The following ZWILCH variants were observed in gnomAD, a reference collection of about 807,000 sequenced individuals.
ZWILCH encodes the protein zwilch kinetochore protein, also known as protein zwilch homolog.
ZWILCH carries 74 observed loss-of-function variants against 79.9 expected under a neutral mutation model. The ratio of observed to expected loss-of-function variants is 0.93; its 90% CI spans 0.77 to 1.12. ZWILCH has a LOEUF of 1.12. Ranked by LOEUF, ZWILCH falls within the 50% of genes most tolerant of loss-of-function variation. The probability of loss-of-function intolerance (pLI) is 0.00; values close to 1 mark genes in which losing one functional copy is unlikely to be tolerated. For missense variants in ZWILCH, 694 were observed against 687.5 expected (o/e 1.01, Z -0.11); for synonymous variants, 241 against 228.2 (o/e 1.06, Z -0.51).
In ZWILCH at chr15:66,532,281, T is replaced by C; in HGVS notation, c.1190T>C (p.Leu397Pro). ...GGAAGTAACAGTTTACTAAGTAAGC[T>C]CATTCATCAGTCTTATCATGGAACC... Reference protein sequence around the residue: ...HSGSNSLLSKLIHQSYHGTMD... With the variant: ...HSGSNSLLSKPIHQSYHGTMD... The change falls in exon 13 of 19, where the codon CTC becomes CCC. Residue 397 changes from leucine (L) to proline (P), a missense_variant. Transcript: ENST00000307897. 1 of 1,604,412 alleles carries C rather than the reference T, an allele frequency of 6.2e-7. No homozygotes were observed. The highest frequency in any genetic ancestry group is 8.5e-7 in the Non-Finnish European group (1 of 1,176,118).
At position 66,526,886 on chromosome 15, in the gene ZWILCH, C is replaced by T. The variant is rs548519797; in HGVS notation, c.820-404C>T. ...CCCAGACTACTTCATTTGTCTTATC[C>T]GTCTATCTTTGCCAAAGTTGCAAGC... On this transcript the variant is annotated intron_variant, in intron 8 of 18. Transcript: ENST00000307897. Among the ~76,000 whole-genome samples, 17 of 152,150 alleles carry T rather than the reference C, an allele frequency of 1.1e-4. No individual in the cohort carries two copies. In the South Asian group the frequency reaches 1.9e-3, roughly 17 times the overall value.
rs1472522626 is a variant in ZWILCH, at chr15:66,546,577, CTT to C, written c.1688-10_1688-9del. ...TGTTAAGCAATTCTGATCTCACTCT[CTT>C]TTTGATTACAGATTTTTCGGAATTA... On this transcript the variant is annotated splice_polypyrimidine_tract_variant and intron_variant, in intron 17 of 18. Coordinates refer to ENST00000307897, the MANE Select transcript of ZWILCH (RefSeq NM_017975.5). The C allele has an allele frequency of 2.5e-6, 4 of 1,592,084 alleles. No homozygotes were observed. The highest frequency in any genetic ancestry group is 2.3e-5 in the East Asian group (1 of 44,394).
intron 16 of ZWILCH, among the ~76,000 whole-genome samples, chr15:66,539,181 C>A (rs1895115943): frequency 6.6e-6 from 1 of 151,936 alleles, no homozygotes; most frequent in Admixed American, 6.6e-5. Context: ...TCCGCTCATC[C>A]CTCACTCCTT....
chr15:66,533,425 T>C (rs1399235836), intron 14 of ZWILCH, among the ~76,000 whole-genome samples: 2 of 152,192 alleles, frequency 1.3e-5, no homozygotes, highest in Non-Finnish European at 2.9e-5. Flanking sequence ...GGTTTCAGGG[T>C]CATCGTTATG....
At chr15:66,522,528 C>T (rs1297168711) in intron 7 of ZWILCH, among the ~76,000 whole-genome samples, 3 of 151,444 alleles carry the variant, frequency 2.0e-5, no homozygotes, top group Admixed American at 6.6e-5. Flanking sequence ...TTAGTAGAGA[C>T]GGGTTTTCAC....
At chr15:66,547,697 G>A (rs762041594) in intron 18 of ZWILCH, 1 of 152,188 alleles carries the variant, frequency 6.6e-6, no homozygotes, top group South Asian at 2.1e-4. Context: ...TCAGAAGAGT[G>A]TACGTGCTCA....
At chr15:66,537,352 G>A in intron 16 of ZWILCH, 89 bp downstream of exon 16, 2 of 900,786 alleles carry the variant, frequency 2.2e-6, no homozygotes, top group East Asian at 2.6e-5. Flanking sequence ...GAGCTCAGGA[G>A]TTCGAGACCA....
At chr15:66,539,879 A>G (rs532362154) in intron 16 of ZWILCH, among the ~76,000 whole-genome samples, 1 of 151,830 alleles carries the variant, frequency 6.6e-6, no homozygotes, top group South Asian at 2.1e-4. Context: ...TAACACATCT[A>G]GTATTTCTCT....
At chr15:66,518,831 T>G (rs1156413408) in intron 4 of ZWILCH, 48 bp from the exon 5 acceptor site, 1 of 1,550,964 alleles carries the variant, frequency 6.4e-7, no homozygotes, top group Non-Finnish European at 8.9e-7. Flanking sequence ...AAGAAATTCT[T>G]GAATTGGAAA....
chr15:66,520,502 A>G, intron 5 of ZWILCH, 88 bp from the exon 6 acceptor site: 2 of 703,302 alleles, frequency 2.8e-6, no homozygotes, highest in Non-Finnish European at 5.1e-6. Flanking sequence ...GTTGTGGTAC[A>G]TTGAGAATGT....
intron 4 of ZWILCH, among the ~76,000 whole-genome samples, chr15:66,517,574 T>C (rs1894330661): frequency 6.7e-6 from 1 of 149,610 alleles, no homozygotes; most frequent in Non-Finnish European, 1.5e-5. Context: ...TACATTCTCT[T>C]ACATAACCAT....
chr15:66,533,087 A>G (rs1431856056), intron 14 of ZWILCH, 74 bp downstream of exon 14: 15 of 1,010,124 alleles, frequency 1.5e-5, no homozygotes, highest in East Asian at 5.3e-5. Flanking sequence ...TTAACTGCCA[A>G]TAATATGCTA....
intron 2 of ZWILCH, among the ~76,000 whole-genome samples, chr15:66,509,831 A>G (rs1893975671): frequency 6.8e-5 from 1 of 14,690 alleles, no homozygotes; most frequent in Non-Finnish European, 1.4e-4. Flanking sequence ...ACATATATAT[A>G]TATATATATA....
At chr15:66,527,655 A>G (rs527668371) in intron 9 of ZWILCH, among the ~76,000 whole-genome samples, 1 of 152,312 alleles carries the variant, frequency 6.6e-6, no homozygotes, top group Admixed American at 6.5e-5. Context: ...GCCATGTGTC[A>G]GGGGCTTTTC....
intron 12 of ZWILCH, among the ~76,000 whole-genome samples, chr15:66,531,657 A>G (rs1390281363): frequency 6.7e-6 from 1 of 148,162 alleles, no homozygotes; most frequent in African/African-American, 2.5e-5. Context: ...GGGTTTCACC[A>G]TGTTGTCCAG....
intron 5 of ZWILCH, 140 bp downstream of exon 5, chr15:66,519,218 TG>T: frequency 1.3e-6 from 1 of 768,930 alleles, no homozygotes; most frequent in Non-Finnish European, 2.1e-6. Context: ...AAATCTACTC[TG>T]GTGTGTAACT....
chr15:66,532,189 C>T, intron 12 of ZWILCH, 58 bp from the exon 13 acceptor site: 1 of 1,346,494 alleles, frequency 7.4e-7, no homozygotes, highest in African/African-American at 1.5e-5. Context: ...TTCTCTTTTA[C>T]TTGTTGGGTT....
intron 16 of ZWILCH, among the ~76,000 whole-genome samples, chr15:66,537,726 T>C (rs4340280): frequency 0.21 from 31,732 of 151,960 alleles, 3,490 homozygotes; most frequent in East Asian, 0.37. Context: ...TAAATAAGCA[T>C]TTTAATTTAT....
chr15:66,536,265 C>T (rs148179624), intron 15 of ZWILCH, among the ~76,000 whole-genome samples, 196 bp downstream of exon 15: 1 of 152,308 alleles, frequency 6.6e-6, no homozygotes, highest in African/African-American at 2.4e-5. Context: ...TTGACATTGG[C>T]TGCATCACTT....
Sources: allele counts gnomAD v4.1 joint callset (sites outside exome capture counted in the v4.1 genomes callset), GRCh38; gene constraint gnomAD v4.1.1; transcripts MANE v1.5; gene names NCBI Gene and HGNC (gene_info 2026-07-23, HGNC 2026-07-21).